The following MED16 variants were observed in gnomAD, a reference collection of about 807,000 sequenced individuals.
The protein encoded by MED16 is mediator complex subunit 16, also known as mediator of RNA polymerase II transcription subunit 16.
Under a neutral mutation model 84.4 loss-of-function variants are expected in MED16, and 81 were observed. The observed-to-expected ratio is 0.96, with a 90% CI of 0.80 to 1.15. The LOEUF (loss-of-function observed/expected upper bound fraction) is 1.15, where lower values mean the gene tolerates loss of function less well. MED16 is among the 50% of genes most tolerant of loss of function. The pLI, the probability that MED16 is intolerant of heterozygous loss-of-function variation, is 0.00. For missense variants in MED16, 1,585 were observed against 1,245.9 expected, an observed-to-expected ratio of 1.27 and a Z score of -4.10; for synonymous variants, 897 against 552.2, an observed-to-expected ratio of 1.62 and a Z score of -8.76.
At chr19:874,162 G>T (rs1482826728) in intron 10 of MED16, among the ~76,000 whole-genome samples, 2 of 152,008 alleles carry the variant, frequency 1.3e-5, no homozygotes, top group Non-Finnish European at 2.9e-5. Context: ...CGCCCAGGCT[G>T]GAGTGCAGTG....
intron 10 of MED16, among the ~76,000 whole-genome samples, chr19:874,316 G>A (rs2036176919): frequency 6.6e-6 from 1 of 152,118 alleles, no homozygotes; most frequent in Non-Finnish European, 1.5e-5. Flanking sequence ...GTTTCACCGT[G>A]TTAGCCAGGA....
chr19:871,180 C>G lies in MED16; in HGVS notation c.2172G>C (p.Leu724=). 6.5e-7 allele frequency: 1 copy of G among 1,549,562 alleles called. No homozygotes were observed. The highest frequency in any genetic ancestry group is 8.7e-7 in the Non-Finnish European group (1 of 1,146,440). The change falls in exon 13 of 16, where the codon CTG becomes CTC. Residue 724 remains leucine (L), a synonymous_variant. Transcript: ENST00000325464. ...VDECCLLPSQ[L]LIPSLDWLPA... ...GCAGCCAGTCCAGGCTGGGGATAAG[C>G]AGCTGGCTGGGCAGCAGGCAGCATT...
At chr19:868,789 G>C (rs2035977310) in intron 14 of MED16, 74 bp downstream of exon 14, 2 of 1,457,750 alleles carry the variant, frequency 1.4e-6, no homozygotes, top group Admixed American at 4.2e-5. Flanking sequence ...TGGAGCGCTG[G>C]GTGGGGGCTA....
chr19:886,901 G>A (rs2036537010), intron 4 of MED16, among the ~76,000 whole-genome samples: 2 of 151,906 alleles, frequency 1.3e-5, no homozygotes, highest in South Asian at 4.2e-4. Flanking sequence ...CACAGTAAAA[G>A]CCTGTTGCTA....
intron 6 of MED16, 39 bp downstream of exon 6, chr19:884,864 G>A (rs779646068): frequency 4.1e-5 from 63 of 1,533,544 alleles, no homozygotes; most frequent in Non-Finnish European, 5.2e-5. Flanking sequence ...CCGCCCCCGA[G>A]GGCAGGCCCA....
chr19:870,104 C>T (rs541624260), intron 13 of MED16, among the ~76,000 whole-genome samples: 5 of 152,314 alleles, frequency 3.3e-5, no homozygotes, highest in Non-Finnish European at 7.4e-5. Flanking sequence ...GGAGATCCTC[C>T]TGATGAGGTG....
At position 873,395 on chromosome 19, in the gene MED16, G is replaced by A. The variant is rs1055259998; in HGVS notation, c.1905+54C>T. On this transcript the variant is annotated intron_variant, in intron 11 of 15. Transcript: ENST00000325464. ...GGCAGGGGCAGGGAAGCGGGGTCCT[G>A]ATGAGATGGGGGCCCAGGTGGGGGG... is the stretch of plus-strand genomic sequence containing the variant. 16 of 1,564,986 alleles carry A rather than the reference G, an allele frequency of 1.0e-5. No individual in the cohort carries two copies. The African/African-American group carries it at 2.0e-4, about 19-fold the overall frequency.
chr19:886,645 C>T (rs2036533020), intron 4 of MED16, among the ~76,000 whole-genome samples: 1 of 152,256 alleles, frequency 6.6e-6, no homozygotes, highest in African/African-American at 2.4e-5. Context: ...ACTGTGCAGA[C>T]CTGAGCTATA....
Position 868,044 on chromosome 19 carries a change from G to C in MED16, c.*57C>G, listed in dbSNP as rs1599309824. 8 of 1,544,594 alleles carry C rather than the reference G, an allele frequency of 5.2e-6. No individual in the cohort carries two copies. Among genetic ancestry groups the C allele is most frequent in the Middle Eastern group, 2.3e-4 (1 of 4,312 alleles). On this transcript the variant is annotated 3_prime_UTR_variant, in exon 16 of 16. Coordinates refer to ENST00000325464, the MANE Select transcript of MED16 (RefSeq NM_005481.3). ...CAGCGCTCTCCGCGGGTGAGGCAAGGAAACCGAGGAGACGCCCGAGCCGGG... is the reference window on the plus strand; with the variant it reads ...CAGCGCTCTCCGCGGGTGAGGCAAGCAAACCGAGGAGACGCCCGAGCCGGG...
At position 872,029 on chromosome 19, in the gene MED16, C is replaced by T; in HGVS notation, c.1995G>A (p.Trp665Ter). 1 of 1,609,818 alleles carries T rather than the reference C, an allele frequency of 6.2e-7. No homozygotes were observed. Among genetic ancestry groups the T allele is most frequent in the East Asian group, 2.2e-5 (1 of 44,708 alleles). Reference sequence around the variant, plus strand: ...GCAGGCAGCTGGGCTTCAGAAGGCCCCAGATGCGGATGACCACCATCAATT... The same window carrying T: ...GCAGGCAGCTGGGCTTCAGAAGGCCTCAGATGCGGATGACCACCATCAATT... ...LRELMVVIRI[W>*]GLLKPSCLPV... The change falls in exon 12 of 16, where the codon TGG becomes TGA. Residue 665 changes from tryptophan to a stop codon, truncating the protein, a stop_gained. Coordinates refer to ENST00000325464, the MANE Select transcript of MED16 (RefSeq NM_005481.3). LOFTEE classifies it high-confidence loss of function.
chr19:888,020 T>C (rs56709858), intron 4 of MED16, among the ~76,000 whole-genome samples: 2,764 of 151,428 alleles, frequency 0.018, 73 homozygotes, highest in African/African-American at 0.063. Context: ...CTGACCAACA[T>C]GGAGAAACCC....
chr19:873,646 C>A, intron 10 of MED16, 64 bp from the exon 11 acceptor site: 5 of 1,586,644 alleles, frequency 3.2e-6, no homozygotes, highest in Non-Finnish European at 4.3e-6. Context: ...CCTAACTGCA[C>A]CCCTCGGTCC....
Position 880,052 on chromosome 19 carries a change from G to C in MED16, c.1238C>G (p.Pro413Arg), listed in dbSNP as rs1416290256. Residue 413 changes from proline to arginine, a missense_variant, in exon 8 of 16, where the codon CCT (proline) becomes CGT (arginine). Physicochemically the swap from Pro to Arg is moderately radical, Grantham distance 103. Transcript: ENST00000325464. ...AVFYSSAAPR[P>R]VDEPAMKRPR... ...GCGCTTCATGGCCGGCTCATCCACA[G>C]GCCTCGGGGCCGCGGAGCTGTAGAA... The C allele has an allele frequency of 1.2e-6, 2 of 1,611,218 alleles. No homozygotes were observed. The highest frequency in any genetic ancestry group is 1.7e-6 in the Non-Finnish European group (2 of 1,179,354).
intron 11 of MED16, among the ~76,000 whole-genome samples, chr19:872,727 G>C (rs556683329): frequency 1.3e-5 from 2 of 151,822 alleles, no homozygotes; most frequent in Admixed American, 6.6e-5. Flanking sequence ...GGTGTGGATG[G>C]AGACTTGATT....
intron 6 of MED16, among the ~76,000 whole-genome samples, chr19:884,551 C>T (rs1251313884): frequency 6.6e-6 from 1 of 152,130 alleles, no homozygotes; most frequent in Non-Finnish European, 1.5e-5. Flanking sequence ...TGCTGCCCGA[C>T]GGCCCCACCC....
At chr19:891,427 G>A (rs1474539209) in intron 1 of MED16, among the ~76,000 whole-genome samples, 3 of 152,236 alleles carry the variant, frequency 2.0e-5, no homozygotes, top group Non-Finnish European at 4.4e-5. Context: ...GCTGTCTAGG[G>A]AACAGACCAT....
chr19:889,225 C>A (rs2036584198), intron 4 of MED16, among the ~76,000 whole-genome samples: 1 of 151,964 alleles, frequency 6.6e-6, no homozygotes, highest in Non-Finnish European at 1.5e-5. Context: ...ACCTGTGGGG[C>A]CGAATCACAG....
In MED16 at chr19:891,057, G is replaced by A. The variant is rs1568334611; in HGVS notation, c.75C>T (p.Ser25=). The change falls in exon 2 of 16, where the codon TCC becomes TCT. Residue 25 remains serine (S), a synonymous_variant. Transcript: ENST00000325464. ...GCACCGATGGGCAGTGGGTGCTCTTGGACCATTTCTCCCACTCACAGACGT... is the reference window on the plus strand; with the variant it reads ...GCACCGATGGGCAGTGGGTGCTCTTAGACCATTTCTCCCACTCACAGACGT... ...LAYVCEWEKW[S]KSTHCPSVPL... is the part of the protein sequence containing the mutation. The A allele has an allele frequency of 1.9e-6, 3 of 1,614,104 alleles. No individual in the cohort carries two copies. The highest frequency in any genetic ancestry group is 2.5e-6 in the Non-Finnish European group (3 of 1,180,020).
intron 4 of MED16, among the ~76,000 whole-genome samples, chr19:886,719 ATT>A (rs1435869676): frequency 2.6e-5 from 4 of 152,248 alleles, no homozygotes; most frequent in Non-Finnish European, 4.4e-5. Context: ...TTCAAATCAA[ATT>A]TGTCAAGTCA....
Sources: allele counts gnomAD v4.1 joint callset (sites outside exome capture counted in the v4.1 genomes callset), GRCh38; gene constraint gnomAD v4.1.1; transcripts MANE v1.5; gene names NCBI Gene and HGNC (gene_info 2026-07-23, HGNC 2026-07-21).